The following XKR6 variants were observed in gnomAD, a reference collection of about 807,000 sequenced individuals.
XKR6 encodes the protein XK related 6.
A neutral mutation model predicts 56.7 loss-of-function variants in XKR6; 22 were observed. The ratio of observed to expected loss-of-function variants is 0.39; its 90% confidence interval spans 0.28 to 0.55. XKR6 has a LOEUF of 0.55. Ranked by LOEUF, XKR6 falls within the 20% of genes least tolerant of loss-of-function variation. The pLI, the probability that XKR6 is intolerant of heterozygous loss-of-function variation, is 0.66. For missense variants in XKR6, 852 were observed against 889.0 expected, an observed-to-expected ratio of 0.96 and a Z score of 0.53; for synonymous variants, 524 against 387.8, an observed-to-expected ratio of 1.35 and a Z score of -4.13.
chr8:10,972,743 G>C (rs531270516), intron 1 of XKR6, among the ~76,000 whole-genome samples: 1 of 152,326 alleles, frequency 6.6e-6, no homozygotes, highest in Non-Finnish European at 1.5e-5. Context: ...AGTGGGTACA[G>C]AATTTCAATT....
intron 1 of XKR6, among the ~76,000 whole-genome samples, chr8:11,042,228 G>C (rs946395263): frequency 6.6e-6 from 1 of 151,414 alleles, no homozygotes; most frequent in African/African-American, 2.4e-5. Context: ...AAGTGTTTAG[G>C]ATTCCTTTTT....
At chr8:11,107,479 C>T (rs1798722597) in intron 1 of XKR6, among the ~76,000 whole-genome samples, 1 of 152,150 alleles carries the variant, frequency 6.6e-6, no homozygotes, top group South Asian at 2.1e-4. Context: ...GCCACCACAC[C>T]CAGCCCTGAT....
chr8:10,953,769 T>G (rs1450555480), intron 1 of XKR6, among the ~76,000 whole-genome samples: 1 of 152,196 alleles, frequency 6.6e-6, no homozygotes, highest in African/African-American at 2.4e-5. Flanking sequence ...CCCAGAACAT[T>G]TGCATTACCC....
At chr8:11,056,500 A>G (rs1191857298) in intron 1 of XKR6, among the ~76,000 whole-genome samples, 8 of 152,250 alleles carry the variant, frequency 5.3e-5, no homozygotes, top group African/African-American at 1.7e-4. Flanking sequence ...GGCTCTTGGC[A>G]CTTGGTTTGG....
intron 1 of XKR6, among the ~76,000 whole-genome samples, chr8:10,958,438 A>G (rs1801963039): frequency 6.6e-6 from 1 of 152,230 alleles, no homozygotes; most frequent in Non-Finnish European, 1.5e-5. Flanking sequence ...TGGTGCTGCC[A>G]TTCTCCCAGG....
At chr8:10,923,234 T>C (rs1186538619) in intron 2 of XKR6, among the ~76,000 whole-genome samples, 1 of 152,124 alleles carries the variant, frequency 6.6e-6, no homozygotes, top group Non-Finnish European at 1.5e-5. Context: ...CAGGCCTGGC[T>C]TTCCCTGTGT....
intron 1 of XKR6, among the ~76,000 whole-genome samples, chr8:11,110,427 T>G (rs557046968): frequency 1.3e-5 from 2 of 152,218 alleles, no homozygotes; most frequent in East Asian, 3.8e-4. Context: ...TGAAAACTTC[T>G]GCTATACACT....
At chr8:10,906,316 T>C (rs1563280543) in intron 2 of XKR6, among the ~76,000 whole-genome samples, 1 of 152,196 alleles carries the variant, frequency 6.6e-6, no homozygotes, top group Admixed American at 6.5e-5. Flanking sequence ...GCCATCCTTC[T>C]TGAAAAGCTT....
At chr8:11,098,598 T>A (rs1798349533) in intron 1 of XKR6, among the ~76,000 whole-genome samples, 1 of 152,184 alleles carries the variant, frequency 6.6e-6, no homozygotes, top group African/African-American at 2.4e-5. Context: ...TATGTGGTCA[T>A]GCATGTTTGA....
In XKR6 at chr8:10,898,605, C is replaced by G; in HGVS notation, c.1273G>C (p.Val425Leu). ...EILFNMVVGI[V>L]YIFCWFNVKE... ...ACGTTAAACCAGCAGAAAATGTACA[C>G]GATCCCTACCACCATGTTGAAGAGG... is the stretch of plus-strand genomic sequence containing the variant. The change falls in exon 3 of 3, where the codon GTG (valine) becomes CTG (leucine). Residue 425 changes from valine (V) to leucine (L), a missense_variant. By Grantham distance (32) the Val-to-Leu change is conservative. This residue lies in a region of XKR6 where 199 missense variants were observed against 280.4 expected (regional missense o/e 0.71). Transcript: ENST00000416569. This position sits in a 1 kb window ranked among gnomAD's most constrained non-coding sequence, Gnocchi z 6.6. The G allele has an allele frequency of 1.2e-6, 2 of 1,614,122 alleles. No homozygotes were observed. Among genetic ancestry groups the G allele is most frequent in the African/African-American group, 1.3e-5 (1 of 75,032 alleles).
chr8:11,016,703 C>T (rs1188003668), intron 1 of XKR6, among the ~76,000 whole-genome samples: 1 of 152,226 alleles, frequency 6.6e-6, no homozygotes, highest in Non-Finnish European at 1.5e-5. Flanking sequence ...CCTCTGCCTC[C>T]GCGGCCAGCA....
intron 2 of XKR6, among the ~76,000 whole-genome samples, chr8:10,901,096 C>T (rs1319565199): frequency 6.7e-6 from 1 of 149,200 alleles, no homozygotes; most frequent in Non-Finnish European, 1.5e-5. Flanking sequence ...CACTCTGTCA[C>T]CCAGGCTGGA....
intron 1 of XKR6, among the ~76,000 whole-genome samples, chr8:11,075,087 A>G (rs1269207814): frequency 2.0e-5 from 3 of 152,094 alleles, no homozygotes; most frequent in Non-Finnish European, 4.4e-5. Flanking sequence ...TGGGGAGGGA[A>G]GAGGATGCTG....
At chr8:11,113,623 G>A (rs557359976) in intron 1 of XKR6, among the ~76,000 whole-genome samples, 1 of 152,202 alleles carries the variant, frequency 6.6e-6, no homozygotes, top group South Asian at 2.1e-4. Context: ...AAACCTGTAA[G>A]TCTGGATTCC....
chr8:10,990,234 C>T (rs1399094102), intron 1 of XKR6, among the ~76,000 whole-genome samples: 1 of 152,222 alleles, frequency 6.6e-6, no homozygotes. Flanking sequence ...AGTACAAACG[C>T]GTCTCTATCC....
At chr8:11,198,784 G>T (rs1021020229) in intron 1 of XKR6, among the ~76,000 whole-genome samples, 1 of 152,082 alleles carries the variant, frequency 6.6e-6, no homozygotes. Flanking sequence ...ACTTCGGCTT[G>T]TTCAGCAGAA....
intron 1 of XKR6, among the ~76,000 whole-genome samples, chr8:11,068,815 G>A (rs1396250980): frequency 6.6e-6 from 1 of 152,050 alleles, no homozygotes; most frequent in Non-Finnish European, 1.5e-5. Flanking sequence ...GGCCAAGGTG[G>A]GCCCTGCCCC....
At chr8:10,975,588 G>A (rs1405037519) in intron 1 of XKR6, among the ~76,000 whole-genome samples, 2 of 152,234 alleles carry the variant, frequency 1.3e-5, no homozygotes, top group East Asian at 3.9e-4. Flanking sequence ...AACGCGTGTG[G>A]TCTCGCGGAT....
At chr8:10,996,193 C>T (rs1339644269) in intron 1 of XKR6, among the ~76,000 whole-genome samples, 1 of 152,084 alleles carries the variant, frequency 6.6e-6, no homozygotes, top group Non-Finnish European at 1.5e-5. Flanking sequence ...AGAAATTGAC[C>T]AAAATATTGC....
Sources: allele counts gnomAD v4.1 joint callset (sites outside exome capture counted in the v4.1 genomes callset), GRCh38; gene constraint gnomAD v4.1.1; regional missense constraint gnomAD v4.1.1; non-coding constraint Gnocchi (gnomAD v3.1); transcripts MANE v1.5; gene names NCBI Gene and HGNC (gene_info 2026-07-23, HGNC 2026-07-21).